Variants in DTNB observed in about 807,000 individuals in gnomAD.
DTNB encodes dystrobrevin beta.
Under a neutral mutation model 90.7 loss-of-function variants are expected in DTNB, and 63 were observed. The ratio of observed to expected loss-of-function variants is 0.69; its 90% CI spans 0.57 to 0.86. The LOEUF (loss-of-function observed/expected upper bound fraction) is 0.86. Among genes scored for constraint, DTNB ranks in the 40% least tolerant of loss-of-function variants. The probability of loss-of-function intolerance (pLI) is 0.00; values close to 1 mark genes in which losing one functional copy is unlikely to be tolerated. For synonymous variants in DTNB, 277 were observed against 286.7 expected (o/e 0.97, Z 0.34); for missense variants, 744 against 807.1 (o/e 0.92, Z 0.95).
chr2:25,580,466 A>G (rs2061398064), intron 7 of DTNB, among the ~76,000 whole-genome samples: 1 of 151,546 alleles, frequency 6.6e-6, no homozygotes, highest in South Asian at 2.1e-4. Context: ...GGTTGCAGTG[A>G]GCCAGGATTG....
chr2:25,406,186 G>A (rs780929195), intron 16 of DTNB, among the ~76,000 whole-genome samples: 4 of 152,062 alleles, frequency 2.6e-5, no homozygotes, highest in Admixed American at 6.6e-5. Context: ...CCGTGGAGGC[G>A]CATATTTGTA....
chr2:25,394,232 C>T (rs2041876355), intron 16 of DTNB, among the ~76,000 whole-genome samples: 1 of 152,114 alleles, frequency 6.6e-6, no homozygotes, highest in African/African-American at 2.4e-5. Context: ...TCACCTTATA[C>T]AAAAATCAAC....
intron 9 of DTNB, among the ~76,000 whole-genome samples, chr2:25,501,848 T>C (rs1341327088): frequency 6.6e-6 from 1 of 152,122 alleles, no homozygotes; most frequent in Non-Finnish European, 1.5e-5. Context: ...AAAAAGCTTA[T>C]ATACAGACAG....
intron 8 of DTNB, among the ~76,000 whole-genome samples, chr2:25,567,814 G>A (rs2059257326): frequency 6.6e-6 from 1 of 152,206 alleles, no homozygotes; most frequent in African/African-American, 2.4e-5. Context: ...AGATCTGAAT[G>A]GAAGGCAGAG....
chr2:25,599,173 C>G (rs2065277983), intron 5 of DTNB: 1 of 150,290 alleles, frequency 6.7e-6, no homozygotes, highest in South Asian at 2.1e-4. Flanking sequence ...CATTTCAATG[C>G]AAGGAACTGC....
At chr2:25,632,301 G>A (rs1314261535) in intron 3 of DTNB, among the ~76,000 whole-genome samples, 1 of 151,054 alleles carries the variant, frequency 6.6e-6, no homozygotes, top group Non-Finnish European at 1.5e-5. Context: ...TGATCAAAAT[G>A]AAATTAAGTT....
At chr2:25,473,946 G>A (rs978942393) in intron 10 of DTNB, among the ~76,000 whole-genome samples, 12 of 152,206 alleles carry the variant, frequency 7.9e-5, no homozygotes, top group African/African-American at 1.2e-4. Flanking sequence ...GGTCTATGAC[G>A]GATGTGACGC....
At chr2:25,484,065 T>C (rs1558716371) in intron 9 of DTNB, among the ~76,000 whole-genome samples, 2 of 152,190 alleles carry the variant, frequency 1.3e-5, no homozygotes, top group African/African-American at 2.4e-5. Flanking sequence ...GCTGCAAACC[T>C]AGGCTACACC....
intron 16 of DTNB, among the ~76,000 whole-genome samples, chr2:25,394,096 C>T (rs2041831874): frequency 6.6e-6 from 1 of 152,068 alleles, no homozygotes; most frequent in East Asian, 1.9e-4. Context: ...AAGCCAAATA[C>T]TTACACCCAA....
At chr2:25,431,287 C>T (rs1013778354) in intron 14 of DTNB, among the ~76,000 whole-genome samples, 12 of 152,002 alleles carry the variant, frequency 7.9e-5, no homozygotes, top group Admixed American at 4.6e-4. Flanking sequence ...CCGCAACCTC[C>T]GCCTCCCAGG....
At chr2:25,580,186 T>C (rs926299946) in intron 7 of DTNB, among the ~76,000 whole-genome samples, 3 of 151,978 alleles carry the variant, frequency 2.0e-5, no homozygotes, top group South Asian at 2.1e-4. Context: ...TTTGCCATGT[T>C]TGCCAGGCTG....
At chr2:25,494,501 T>G (rs371674675) in intron 9 of DTNB, among the ~76,000 whole-genome samples, 4 of 149,876 alleles carry the variant, frequency 2.7e-5, no homozygotes, top group Non-Finnish European at 3.0e-5. Context: ...GCGGGGGTGG[T>G]TGGGAGAGGA....
chr2:25,652,566 C>A (rs748881589), intron 2 of DTNB, 28 bp downstream of exon 2: 2 of 1,584,690 alleles, frequency 1.3e-6, no homozygotes, highest in Non-Finnish European at 1.7e-6. Context: ...AACATTCCCG[C>A]ACATATGAAC....
rs530315882 is a variant in DTNB, at chr2:25,447,055, T to C, written c.1257+4493A>G. On this transcript the variant is annotated intron_variant, in intron 12 of 20. Coordinates refer to ENST00000406818, the MANE Select transcript of DTNB (RefSeq NM_021907.5). ...CAATAACTTTTGTTTTAAAAATCTGTAATTTCTATGTGATTTGTTTTCAAC... is the reference window on the plus strand; with the variant it reads ...CAATAACTTTTGTTTTAAAAATCTGCAATTTCTATGTGATTTGTTTTCAAC... Among the ~76,000 whole-genome samples, 8 of 152,392 alleles carry C rather than the reference T, an allele frequency of 5.2e-5. No individual in the cohort carries two copies. The South Asian group carries it at 6.2e-4, about 12-fold the overall frequency.
intron 1 of DTNB, among the ~76,000 whole-genome samples, chr2:25,655,030 G>C (rs1439927109): frequency 6.6e-6 from 1 of 152,202 alleles, no homozygotes; most frequent in Non-Finnish European, 1.5e-5. Flanking sequence ...GACTGAACAG[G>C]TGCAGCAGAC....
At chr2:25,470,192 T>G (rs2062530665) in intron 10 of DTNB, among the ~76,000 whole-genome samples, 3 of 152,114 alleles carry the variant, frequency 2.0e-5, no homozygotes, top group Non-Finnish European at 2.9e-5. Flanking sequence ...TCTGTCATGA[T>G]GGGAGAAATC....
chr2:25,410,384 C>T (rs998203881), intron 16 of DTNB, among the ~76,000 whole-genome samples: 3 of 152,112 alleles, frequency 2.0e-5, no homozygotes, highest in Non-Finnish European at 4.4e-5. Flanking sequence ...CTTGTATCCT[C>T]GGACTCTTGT....
intron 12 of DTNB, among the ~76,000 whole-genome samples, chr2:25,440,772 A>G (rs891625538): frequency 2.6e-5 from 4 of 152,180 alleles, no homozygotes; most frequent in Non-Finnish European, 5.9e-5. Context: ...TTTTTGACAC[A>G]TTTGCTTCAT....
chr2:25,672,203 C>CAAAAAAAAA (rs5829985), intron 1 of DTNB, among the ~76,000 whole-genome samples: 5 of 42,472 alleles, frequency 1.2e-4, no homozygotes, highest in Admixed American at 4.0e-4. Flanking sequence ...CCTCGCATAG[C>CAAAAAAAAA]AAAAAAAAAA....
Sources: gnomAD v4.1 joint callset for allele counts (sites outside exome capture counted in the v4.1 genomes callset) on GRCh38, gnomAD v4.1.1 for gene constraint, MANE v1.5 for transcripts, NCBI Gene and HGNC (gene_info 2026-07-23, HGNC 2026-07-21) for gene names.